Variants in HCRTR2 observed in about 807,000 individuals in gnomAD.
HCRTR2 encodes the protein hypocretin receptor 2.
In HCRTR2, 22 loss-of-function variants were observed where a neutral mutation model predicts 49.0. That is an observed-to-expected ratio of 0.45 (90% CI 0.32 to 0.64). HCRTR2 has a LOEUF of 0.64. Among genes scored for constraint, HCRTR2 ranks in the 30% least tolerant of loss-of-function variants. The pLI is 0.04. For missense variants in HCRTR2, 491 were observed against 559.4 expected, an observed-to-expected ratio of 0.88 and a Z score of 1.23; for synonymous variants, 236 against 205.3, an observed-to-expected ratio of 1.15 and a Z score of -1.28.
intron 1 of HCRTR2, among the ~76,000 whole-genome samples, chr6:55,232,629 G>A (rs573323672): frequency 6.6e-6 from 1 of 152,180 alleles, no homozygotes; most frequent in African/African-American, 2.4e-5. Flanking sequence ...CTTGATGTTG[G>A]ATGACAAAGA....
At chr6:55,196,584 C>G (rs886623753) in intron 1 of HCRTR2, among the ~76,000 whole-genome samples, 1 of 152,174 alleles carries the variant, frequency 6.6e-6, no homozygotes, top group Non-Finnish European at 1.5e-5. Context: ...GAGACTTTCT[C>G]TGCTCCTTCC....
intron 1 of HCRTR2, among the ~76,000 whole-genome samples, chr6:55,220,651 G>T (rs1381957096): frequency 6.6e-5 from 10 of 152,110 alleles, no homozygotes; most frequent in Non-Finnish European, 1.2e-4. Context: ...CAGGAACTAG[G>T]TAAGAATGTC....
At chr6:55,259,811 C>CA (rs1173220391) in intron 3 of HCRTR2, among the ~76,000 whole-genome samples, 1 of 151,966 alleles carries the variant, frequency 6.6e-6, no homozygotes, top group Non-Finnish European at 1.5e-5. Context: ...AGGTTATATA[C>CA]AAATGTCTTA....
chr6:55,136,103 A>G (rs1047076932), intron 1 of HCRTR2, among the ~76,000 whole-genome samples: 1 of 152,204 alleles, frequency 6.6e-6, no homozygotes, highest in Non-Finnish European at 1.5e-5. Flanking sequence ...GGGTTTAACT[A>G]TTCCAGAATA....
intron 1 of HCRTR2, among the ~76,000 whole-genome samples, chr6:55,150,038 A>C (rs1475031098): frequency 6.6e-6 from 1 of 152,034 alleles, no homozygotes; most frequent in Non-Finnish European, 1.5e-5. Context: ...TCATGATGTC[A>C]CCTTCAGGTC....
intron 4 of HCRTR2, 191 bp downstream of exon 4, chr6:55,264,013 C>G: frequency 3.6e-6 from 2 of 559,898 alleles, no homozygotes; most frequent in Non-Finnish European, 6.3e-6. Flanking sequence ...TAATGAGAAC[C>G]CAGACATAGA....
intron 1 of HCRTR2, among the ~76,000 whole-genome samples, chr6:55,160,157 G>A (rs549983324): frequency 4.4e-4 from 67 of 152,292 alleles, no homozygotes; most frequent in African/African-American, 1.6e-3. Flanking sequence ...AACCCTACAA[G>A]CCAGAAGAGA....
chr6:55,215,257 A>G (rs368435445), intron 1 of HCRTR2, among the ~76,000 whole-genome samples: 92 of 152,192 alleles, frequency 6.0e-4, no homozygotes, highest in African/African-American at 2.0e-3. Context: ...AAAACTTGCA[A>G]AACAGAAATA....
rs56655240 is a variant in HCRTR2, at chr6:55,165,744, AATATATATATATATATATATATATAT to A, written c.-377-8447_-377-8422del. Among the ~76,000 whole-genome samples the A allele has an allele frequency of 7.9e-3, 1,013 of 128,496 alleles. 26 individuals are homozygous for A. The highest frequency in any genetic ancestry group is 0.029 in the African/African-American group (951 of 32,492). 84.3% of individuals were successfully genotyped at this position (128,496 alleles called of 152,430 possible). ...TATTTGTTAAGGGATTAGTATACAG[AATATATATATATATATATATATATAT>A]ATATATATATATATATATACTCTTA... On this transcript the variant is annotated intron_variant, in intron 1 of 7. Coordinates refer to the HCRTR2 transcript ENST00000615358.
At chr6:55,265,019 T>C (rs1766836454) in intron 4 of HCRTR2, among the ~76,000 whole-genome samples, 1 of 152,148 alleles carries the variant, frequency 6.6e-6, no homozygotes, top group African/African-American at 2.4e-5. Context: ...ACTCATTTTT[T>C]TTAACACTAT....
chr6:55,110,902 C>T (rs1764040050), intron 1 of HCRTR2, among the ~76,000 whole-genome samples: 1 of 152,052 alleles, frequency 6.6e-6, no homozygotes, highest in South Asian at 2.1e-4. Flanking sequence ...GAACATCCCA[C>T]TGACAACTGC....
At chr6:55,186,746 G>A (rs936010732) in intron 1 of HCRTR2, among the ~76,000 whole-genome samples, 1 of 152,184 alleles carries the variant, frequency 6.6e-6, no homozygotes, top group African/African-American at 2.4e-5. Context: ...TGAAACAGCT[G>A]TGACAGAATG....
chr6:55,183,545 C>T (rs540298827), intron 1 of HCRTR2, among the ~76,000 whole-genome samples: 1 of 152,062 alleles, frequency 6.6e-6, no homozygotes, highest in Admixed American at 6.5e-5. Context: ...TTAGGGGGAG[C>T]TGTTAAAGGA....
At chr6:55,145,131 C>A (rs1447099100) in intron 1 of HCRTR2, among the ~76,000 whole-genome samples, 1 of 152,106 alleles carries the variant, frequency 6.6e-6, no homozygotes, top group East Asian at 1.9e-4. Context: ...TGTGCTCCCT[C>A]CTTCTCATTC....
intron 1 of HCRTR2, among the ~76,000 whole-genome samples, chr6:55,205,613 T>G (rs1043563583): frequency 6.6e-6 from 1 of 152,038 alleles, no homozygotes; most frequent in East Asian, 1.9e-4. Flanking sequence ...ACATTTATAC[T>G]GACAATTCCT....
In HCRTR2 at chr6:55,221,769, C is replaced by T. The variant is rs183022935; in HGVS notation, c.224-26870C>T. On this transcript the variant is annotated intron_variant, in intron 1 of 6. Coordinates refer to ENST00000370862, the MANE Select transcript of HCRTR2 (RefSeq NM_001384272.1). ...CAGAGCTTGCAGTGAGGTGAGATCA[C>T]GCCACTGCACTCCAGCCTGGGGGAC... 4.1e-4 allele frequency among the ~76,000 whole-genome samples: 61 copies of T among 150,406 alleles called. 1 individual carries two copies. The highest frequency in any genetic ancestry group is 9.8e-4 in the African/African-American group (40 of 40,918).
Position 55,261,405 on chromosome 6 carries a change from T to A in HCRTR2, c.647-2302T>A, listed in dbSNP as rs952948246. ...CACAATGCAATACCACTTTTTTTTTTATTTTTTATTTTATTTTTTGATGGA... is the reference window on the plus strand; with the variant it reads ...CACAATGCAATACCACTTTTTTTTTAATTTTTTATTTTATTTTTTGATGGA... On this transcript the variant is annotated intron_variant, in intron 3 of 6. Coordinates refer to ENST00000370862, the MANE Select transcript of HCRTR2 (RefSeq NM_001384272.1). 3.9e-5 allele frequency among the ~76,000 whole-genome samples: 6 copies of A among 152,218 alleles called. No individual in the cohort carries two copies. In the South Asian group the frequency reaches 6.2e-4, roughly 16 times the overall value.
intron 1 of HCRTR2, among the ~76,000 whole-genome samples, chr6:55,230,015 G>T (rs978886737): frequency 2.0e-5 from 3 of 152,158 alleles, no homozygotes; most frequent in African/African-American, 7.2e-5. Context: ...CGTGAGGGAA[G>T]TAAGGTATGG....
Position 55,255,277 on chromosome 6 carries a change from A to G in HCRTR2, c.544A>G (p.Ile182Val), listed in dbSNP as rs780048208. ...TGTCATCATCTGGATTGTCTCCTGC[A>G]TTATAATGATTCCTCAGGCCATCGT... ...SIVIIWIVSC[I>V]IMIPQAIVME... is the part of the protein sequence containing the mutation. The change falls in exon 3 of 7, where the codon ATT becomes GTT. Residue 182 changes from isoleucine to valine, a missense_variant. Coordinates refer to ENST00000370862, the MANE Select transcript of HCRTR2 (RefSeq NM_001384272.1). The G allele has an allele frequency of 6.2e-7, 1 of 1,614,028 alleles. No homozygotes were observed.
Sources: gnomAD v4.1 joint callset for allele counts (sites outside exome capture counted in the v4.1 genomes callset) on GRCh38, gnomAD v4.1.1 for gene constraint, MANE v1.5 for transcripts, NCBI Gene and HGNC (gene_info 2026-07-23, HGNC 2026-07-21) for gene names.